Variants in PI4K2B observed in about 807,000 individuals in gnomAD.
PI4K2B encodes phosphatidylinositol 4-kinase type 2-beta.
PI4K2B carries 46 observed loss-of-function variants against 56.6 expected under a neutral mutation model. That is an observed-to-expected ratio of 0.81 (90% CI 0.64 to 1.04). The LOEUF (loss-of-function observed/expected upper bound fraction) is 1.04, where lower values mean the gene tolerates loss of function less well. Among genes scored for constraint, PI4K2B ranks in the 50% least tolerant of loss-of-function variants. The pLI is 0.00. For missense variants in PI4K2B, 556 were observed against 607.7 expected (o/e 0.91, Z 0.89); for synonymous variants, 211 against 223.8 (o/e 0.94, Z 0.51).
At chr4:25,242,203 G>T (rs546238987) in intron 1 of PI4K2B, among the ~76,000 whole-genome samples, 2 of 152,326 alleles carry the variant, frequency 1.3e-5, no homozygotes, top group African/African-American at 4.8e-5. Flanking sequence ...CCCTTGATTA[G>T]CTAGAAAGTT....
chr4:25,250,189 C>T (rs80251599), intron 1 of PI4K2B, among the ~76,000 whole-genome samples: 1 of 151,900 alleles, frequency 6.6e-6, no homozygotes, highest in African/African-American at 2.4e-5. Context: ...ACCTCGGCTC[C>T]GCATCAGAGG....
chr4:25,235,848 C>T (rs1346794987), intron 1 of PI4K2B, among the ~76,000 whole-genome samples: 1 of 152,006 alleles, frequency 6.6e-6, no homozygotes, highest in African/African-American at 2.4e-5. Flanking sequence ...AGTATTAAGG[C>T]TAGAAAAAAA....
chr4:25,266,469 C>T (rs377515756), intron 7 of PI4K2B, among the ~76,000 whole-genome samples: 59 of 152,244 alleles, frequency 3.9e-4, no homozygotes, highest in East Asian at 2.9e-3. Flanking sequence ...ACTACTGATA[C>T]GCTTAAGCTT....
chr4:25,258,583 GA>G (rs1008681414), intron 4 of PI4K2B: 27 of 248,476 alleles, frequency 1.1e-4, no homozygotes, highest in African/African-American at 4.0e-4. Flanking sequence ...AAAAAAAAAT[GA>G]AAAAAAATTA....
At chr4:25,243,042 TC>T (rs1426802319) in intron 1 of PI4K2B, among the ~76,000 whole-genome samples, 28 of 152,222 alleles carry the variant, frequency 1.8e-4, no homozygotes, top group African/African-American at 6.5e-4. Flanking sequence ...TTACAGGCTG[TC>T]CCAGGATTCC....
At chr4:25,251,225 C>T (rs565825181) in intron 1 of PI4K2B, among the ~76,000 whole-genome samples, 4 of 152,076 alleles carry the variant, frequency 2.6e-5, no homozygotes, top group Non-Finnish European at 5.9e-5. Context: ...AAATGCAGTG[C>T]TGGGGGCTGG....
Position 25,234,203 on chromosome 4 carries a change from G to A in PI4K2B, c.40G>A (p.Asp14Asn), listed in dbSNP as rs1715130572. Residue 14 changes from aspartate (D) to asparagine (N), a missense_variant, in exon 1 of 10, where the codon GAC (aspartate) becomes AAC (asparagine). Coordinates refer to ENST00000264864, the MANE Select transcript of PI4K2B (RefSeq NM_018323.4). The part of the protein sequence containing the change: ...PSEPDRLASA[D>N]GGSPEEEEDG... ...CGAGCCCGACCGGTTGGCGTCCGCGGACGGCGGGAGCCCGGAGGAGGAGGA... is the reference window on the plus strand; with the variant it reads ...CGAGCCCGACCGGTTGGCGTCCGCGAACGGCGGGAGCCCGGAGGAGGAGGA... 6 of 1,406,404 alleles carry A rather than the reference G, an allele frequency of 4.3e-6. No homozygotes were observed. The highest frequency in any genetic ancestry group is 5.6e-6 in the Non-Finnish European group (6 of 1,079,816). 87.1% of individuals were successfully genotyped at this position (1,406,404 alleles called of 1,614,324 possible). A position where few individuals can be genotyped will look rare whatever the true frequency, so the allele number is the denominator to read the frequency against.
At chr4:25,256,760 G>A in intron 4 of PI4K2B, 86 bp downstream of exon 4, 2 of 1,234,206 alleles carry the variant, frequency 1.6e-6, no homozygotes, top group South Asian at 1.4e-5. Context: ...GCTATTAGCT[G>A]TGGATATTAT....
At chr4:25,239,242 C>G (rs1222999340) in intron 1 of PI4K2B, among the ~76,000 whole-genome samples, 1 of 152,226 alleles carries the variant, frequency 6.6e-6, no homozygotes, top group East Asian at 1.9e-4. Context: ...CTTGCGCCCA[C>G]ACTCCTCAGC....
intron 1 of PI4K2B, among the ~76,000 whole-genome samples, chr4:25,236,134 T>G (rs146776457): frequency 6.6e-6 from 1 of 152,000 alleles, no homozygotes; most frequent in African/African-American, 2.4e-5. Flanking sequence ...AAGATCTTTT[T>G]TAAAAAAATA....
intron 6 of PI4K2B, among the ~76,000 whole-genome samples, chr4:25,261,963 C>A (rs1716496045): frequency 6.6e-6 from 1 of 151,998 alleles, no homozygotes; most frequent in Non-Finnish European, 1.5e-5. Context: ...GCAGTTGTAG[C>A]AGAAATGGGC....
intron 1 of PI4K2B, among the ~76,000 whole-genome samples, chr4:25,242,596 A>G (rs368254468): frequency 6.6e-6 from 1 of 152,240 alleles, no homozygotes; most frequent in African/African-American, 2.4e-5. Context: ...AAGATCTTGC[A>G]CTAGTCTCCA....
intron 1 of PI4K2B, among the ~76,000 whole-genome samples, chr4:25,246,721 C>A (rs986787585): frequency 1.3e-5 from 2 of 152,194 alleles, no homozygotes; most frequent in Non-Finnish European, 2.9e-5. Flanking sequence ...CCCACGGCGG[C>A]GGGGGGAGGC....
chr4:25,260,526 A>G lies in PI4K2B; in HGVS notation c.913A>G (p.Arg305Gly), dbSNP rs1044252874. The change falls in exon 6 of 10, where the codon AGG becomes GGG. Residue 305 changes from arginine (R) to glycine (G), a missense_variant and splice_region_variant. Physicochemically the swap from Arg to Gly is moderately radical, Grantham distance 125. Coordinates refer to ENST00000264864, the MANE Select transcript of PI4K2B (RefSeq NM_018323.4). ...GATTTTCTTGTTTGTTTTGAAAGAC[A>G]GGGGCAATGATAATTGGTTAGTCAG... is the stretch of plus-strand genomic sequence containing the variant. ...ILDYIIRNTD[R>G]GNDNWLVRYE... is the part of the protein sequence containing the mutation. 30 of 1,413,966 alleles carry G rather than the reference A, an allele frequency of 2.1e-5. No individual in the cohort carries two copies. The highest frequency in any genetic ancestry group is 2.6e-5 in the Non-Finnish European group (27 of 1,058,200). The allele number at this position is 1,413,966 out of a possible 1,614,324, so 87.6% of individuals were successfully genotyped here.
At chr4:25,269,230 A>G (rs757916500) in intron 9 of PI4K2B, 27 bp downstream of exon 9, 19 of 1,297,478 alleles carry the variant, frequency 1.5e-5, no homozygotes, top group Non-Finnish European at 2.1e-5. Flanking sequence ...TTTGTTCATA[A>G]GGAAAAAAAT....
intron 1 of PI4K2B, among the ~76,000 whole-genome samples, chr4:25,244,405 C>G (rs1715671347): frequency 6.6e-6 from 1 of 152,154 alleles, no homozygotes; most frequent in Non-Finnish European, 1.5e-5. Flanking sequence ...GTTGTGTATT[C>G]TCCCTCAATG....
chr4:25,259,398 A>C (rs1346104923), intron 5 of PI4K2B, among the ~76,000 whole-genome samples: 7 of 152,186 alleles, frequency 4.6e-5, no homozygotes, highest in Admixed American at 4.6e-4. Context: ...CTCCTAGATC[A>C]GTTCCTGTCC....
chr4:25,245,706 G>A (rs761080696), intron 1 of PI4K2B, among the ~76,000 whole-genome samples: 8 of 152,172 alleles, frequency 5.3e-5, no homozygotes, highest in Non-Finnish European at 1.0e-4. Flanking sequence ...GGACAGAATA[G>A]CAAGTGAAAG....
At chr4:25,258,223 T>TTTTTTTTG (rs1716324597) in intron 4 of PI4K2B, among the ~76,000 whole-genome samples, 1 of 149,256 alleles carries the variant, frequency 6.7e-6, no homozygotes, top group African/African-American at 2.4e-5. Flanking sequence ...CTTTTTTTTT[T>TTTTTTTTG]TTTTGAGACA....
Sources: allele counts gnomAD v4.1 joint callset (sites outside exome capture counted in the v4.1 genomes callset), GRCh38; gene constraint gnomAD v4.1.1; transcripts MANE v1.5; gene names NCBI Gene and HGNC (gene_info 2026-07-23, HGNC 2026-07-21).